MMS22L: variants seen among roughly 807,000 people sequenced by gnomAD.
MMS22L encodes protein MMS22-like.
In MMS22L, 74 loss-of-function variants were observed where a neutral mutation model predicts 159.1. The observed-to-expected ratio is 0.47, with a 90% CI of 0.39 to 0.56. The LOEUF is 0.56. Among genes scored for constraint, MMS22L ranks in the 20% least tolerant of loss-of-function variants. MMS22L has a pLI of 0.00. For missense variants in MMS22L, 1,351 were observed against 1,422.1 expected, an observed-to-expected ratio of 0.95 and a Z score of 0.80; for synonymous variants, 517 against 506.9, an observed-to-expected ratio of 1.02 and a Z score of -0.27.
intron 22 of MMS22L, 66 bp from the exon 23 acceptor site, chr6:97,151,933 G>A: frequency 2.6e-6 from 3 of 1,170,606 alleles, no homozygotes; most frequent in Non-Finnish European, 3.8e-6. Flanking sequence ...TCATTTTTAT[G>A]AACACTCTTG....
chr6:97,155,511 T>A (rs915727242), intron 22 of MMS22L, among the ~76,000 whole-genome samples: 2 of 152,104 alleles, frequency 1.3e-5, no homozygotes, highest in Non-Finnish European at 2.9e-5. Context: ...CCCCTCCCTG[T>A]GTCCATGTGT....
At chr6:97,180,227 A>G (rs544661400) in intron 16 of MMS22L, among the ~76,000 whole-genome samples, 3 of 151,974 alleles carry the variant, frequency 2.0e-5, no homozygotes, top group Admixed American at 1.3e-4. Context: ...TCAGCCTCCC[A>G]AGTGGCTGGG....
chr6:97,233,691 C>T (rs755800673), intron 12 of MMS22L, among the ~76,000 whole-genome samples, 170 bp downstream of exon 12: 21 of 152,074 alleles, frequency 1.4e-4, no homozygotes, highest in Non-Finnish European at 2.5e-4. Context: ...TATGACAAAG[C>T]TCTACAATGT....
At chr6:97,179,881 T>C (rs1038003273) in intron 16 of MMS22L, among the ~76,000 whole-genome samples, 1 of 152,170 alleles carries the variant, frequency 6.6e-6, no homozygotes, top group Non-Finnish European at 1.5e-5. Context: ...AAGGGCTTAT[T>C]ATAACTAGCT....
At chr6:97,150,157 T>A (rs1298128812) in intron 23 of MMS22L, 137 bp from the exon 24 acceptor site, 7 of 619,996 alleles carry the variant, frequency 1.1e-5, no homozygotes, top group African/African-American at 3.8e-5. Context: ...GGATGCAATA[T>A]GAAAACTATT....
At chr6:97,273,845 G>A (rs1815995721) in intron 4 of MMS22L, among the ~76,000 whole-genome samples, 1 of 152,028 alleles carries the variant, frequency 6.6e-6, no homozygotes, top group South Asian at 2.1e-4. Context: ...GTCTTTCCAT[G>A]CTCTCTTTTG....
intron 14 of MMS22L, among the ~76,000 whole-genome samples, chr6:97,194,343 A>C (rs540742242): frequency 7.8e-4 from 119 of 152,248 alleles, no homozygotes; most frequent in African/African-American, 2.8e-3. Context: ...GGCGTTAGCC[A>C]CCATGCCCGG....
intron 14 of MMS22L, among the ~76,000 whole-genome samples, chr6:97,211,966 T>C (rs1808427321): frequency 1.3e-5 from 2 of 152,212 alleles, no homozygotes; most frequent in Non-Finnish European, 1.5e-5. Context: ...TGACATAGTG[T>C]AGCTGACTTA....
intron 9 of MMS22L, among the ~76,000 whole-genome samples, chr6:97,255,644 C>T (rs1199824897): frequency 6.6e-6 from 1 of 151,942 alleles, no homozygotes; most frequent in Non-Finnish European, 1.5e-5. Context: ...TAACTTTTAG[C>T]TGTAGTCCCA....
chr6:97,236,190 G>A lies in MMS22L; in HGVS notation c.1183-2210C>T, dbSNP rs185837719. On this transcript the variant is annotated intron_variant, in intron 11 of 24. Transcript: ENST00000683635. ...TAAAAAATACAAAAATTAGCTGGAC[G>A]AGATGGCAGGCACCTATAATCCCAG... Among the ~76,000 whole-genome samples, 735 of 151,942 alleles carry A rather than the reference G, an allele frequency of 4.8e-3. 1 individual carries two copies. Among genetic ancestry groups the A allele is most frequent in the Non-Finnish European group, 8.6e-3 (586 of 67,958 alleles).
In MMS22L at chr6:97,173,174, C is replaced by T; in HGVS notation, c.2728G>A (p.Ala910Thr). Residue 910 changes from alanine to threonine, a missense_variant, in exon 19 of 25, where the codon GCC becomes ACC. Physicochemically the swap from Ala to Thr is moderately conservative, Grantham distance 58. Transcript: ENST00000683635. ...GNVQTLSDKS[A>T]MVTKSLEYLG... Reference sequence around the variant, plus strand: ...TATTCCAAGGACTTTGTGACCATGGCAGATTTATCAGAAAGTGTCTGGACG... The same window carrying T: ...TATTCCAAGGACTTTGTGACCATGGTAGATTTATCAGAAAGTGTCTGGACG... 6.2e-7 allele frequency: 1 copy of T among 1,613,544 alleles called. No individual in the cohort carries two copies. The highest frequency in any genetic ancestry group is 8.5e-7 in the Non-Finnish European group (1 of 1,179,706).
intron 9 of MMS22L, chr6:97,261,636 T>C (rs565511371): frequency 6.6e-6 from 1 of 152,288 alleles, no homozygotes; most frequent in African/African-American, 2.4e-5. Context: ...TTACATGCAG[T>C]TTTCTGACTG....
chr6:97,219,124 A>G (rs1462095869), intron 14 of MMS22L, among the ~76,000 whole-genome samples: 1 of 152,190 alleles, frequency 6.6e-6, no homozygotes, highest in Non-Finnish European at 1.5e-5. Context: ...CTCCCTCGAC[A>G]CGTGGGGATT....
rs1814552948 is a variant in MMS22L, at chr6:97,262,215, C to T, written c.942+1120G>A. On this transcript the variant is annotated intron_variant, in intron 9 of 24. Coordinates refer to ENST00000683635, the MANE Select transcript of MMS22L (RefSeq NM_001350599.2). ...AGTTCAAATTTACACAATTCAGCAACTGCCTCTAGGTTATGAAAATAAATT... is the reference window on the plus strand; with the variant it reads ...AGTTCAAATTTACACAATTCAGCAATTGCCTCTAGGTTATGAAAATAAATT... Among the ~76,000 whole-genome samples the T allele has an allele frequency of 2.0e-5, 3 of 152,212 alleles. No homozygotes were observed. In the South Asian group the frequency reaches 6.2e-4, roughly 32 times the overall value.
Position 97,282,355 on chromosome 6 carries a change from ATGTTTTCCTCCTCCTC to A in MMS22L, c.107_122del (p.Arg36IlefsTer16), listed in dbSNP as rs1816830018. The A allele has an allele frequency of 1.9e-6, 3 of 1,614,048 alleles. No individual in the cohort carries two copies. In the East Asian group the frequency reaches 6.7e-5, roughly 36 times the overall value. ...TGCAGAGGTAGGATTCTCCAGAAAAATGTTTTCCTCCTCCTCTGTTGTCAACAGCACAAGAAAAGTA... is the reference window on the plus strand; with the variant it reads ...TGCAGAGGTAGGATTCTCCAGAAAAATGTTGTCAACAGCACAAGAAAAGTA... On this transcript the variant is annotated frameshift_variant, in exon 2 of 25. Coordinates refer to ENST00000683635, the MANE Select transcript of MMS22L (RefSeq NM_001350599.2). LOFTEE classifies it high-confidence loss of function.
chr6:97,260,862 T>G (rs1814392694), intron 9 of MMS22L: 1 of 152,142 alleles, frequency 6.6e-6, no homozygotes, highest in Non-Finnish European at 1.5e-5. Flanking sequence ...CTTCTTTTTT[T>G]TTGGTGGTGG....
At position 97,189,551 on chromosome 6, in the gene MMS22L, C is replaced by CAA. The variant is rs67620002; in HGVS notation, c.2040-2863_2040-2862dup. On this transcript the variant is annotated intron_variant, in intron 14 of 24. Transcript: ENST00000683635. ...CTGGGCAACAGCGAGACTCTGTCTC[C>CAA]AAAAAAAAAAAAAAAAAAAAAAAAA... Among the ~76,000 whole-genome samples the CAA allele has an allele frequency of 5.1e-4, 28 of 55,228 alleles. 1 individual carries two copies. Among genetic ancestry groups the CAA allele is most frequent in the East Asian group, 4.5e-3 (5 of 1,108 alleles). 36.2% of individuals were successfully genotyped at this position (55,228 alleles called of 152,430 possible).
At chr6:97,165,985 G>T (rs1001991140) in intron 20 of MMS22L, among the ~76,000 whole-genome samples, 1 of 152,094 alleles carries the variant, frequency 6.6e-6, no homozygotes, top group Admixed American at 6.6e-5. Flanking sequence ...CAGGCACTGT[G>T]CTGTGTGCTT....
At chr6:97,154,574 C>T (rs1208710485) in intron 22 of MMS22L, among the ~76,000 whole-genome samples, 5 of 152,130 alleles carry the variant, frequency 3.3e-5, no homozygotes, top group Admixed American at 3.3e-4. Context: ...ATGACTTTTA[C>T]AATTTTAGCT....
Sources: allele counts gnomAD v4.1 joint callset (sites outside exome capture counted in the v4.1 genomes callset), GRCh38; gene constraint gnomAD v4.1.1; transcripts MANE v1.5; gene names NCBI Gene and HGNC (gene_info 2026-07-23, HGNC 2026-07-21).